The following SCAPER variants were observed in gnomAD, a reference collection of about 807,000 sequenced individuals.
SCAPER encodes the protein S-phase cyclin A associated protein in the ER.
In SCAPER, 98 loss-of-function variants were observed where a neutral mutation model predicts 182.2. That is an observed-to-expected ratio of 0.54 (90% CI 0.46 to 0.64). SCAPER has a LOEUF of 0.64. Ranked by LOEUF, SCAPER falls within the 30% of genes least tolerant of loss-of-function variation. The probability of loss-of-function intolerance (pLI) is 0.00; values close to 1 mark genes in which losing one functional copy is unlikely to be tolerated. For synonymous variants in SCAPER, 605 were observed against 564.6 expected, an observed-to-expected ratio of 1.07 and a Z score of -1.01; for missense variants, 1,432 against 1,690.0, an observed-to-expected ratio of 0.85 and a Z score of 2.68.
intron 17 of SCAPER, among the ~76,000 whole-genome samples, chr15:76,713,342 C>T (rs531037301): frequency 2.9e-4 from 44 of 151,894 alleles, no homozygotes; most frequent in African/African-American, 9.7e-4. Flanking sequence ...ATGTTTATTG[C>T]GGCACTATTC....
chr15:76,723,747 CCCTG>C (rs1270861091), intron 17 of SCAPER, among the ~76,000 whole-genome samples: 2 of 152,038 alleles, frequency 1.3e-5, no homozygotes, highest in Admixed American at 6.6e-5. Flanking sequence ...GGATTGCAAC[CCCTG>C]CCTTTTATTG....
chr15:76,862,634 T>C (rs2071969265), intron 2 of SCAPER, 101 bp from the exon 3 acceptor site: 1 of 723,506 alleles, frequency 1.4e-6, no homozygotes, highest in Non-Finnish European at 2.1e-6. Flanking sequence ...AAGAAAACAC[T>C]TAAAACTAAT....
intron 20 of SCAPER, among the ~76,000 whole-genome samples, chr15:76,689,381 T>C (rs2058220468): frequency 6.6e-6 from 1 of 151,956 alleles, no homozygotes; most frequent in Non-Finnish European, 1.5e-5. Flanking sequence ...AAGTGTAAAA[T>C]ACTGAAATCA....
chr15:76,747,747 A>T (rs924468751), intron 15 of SCAPER, among the ~76,000 whole-genome samples: 1 of 152,072 alleles, frequency 6.6e-6, no homozygotes, highest in Non-Finnish European at 1.5e-5. Context: ...TGATCTGCAC[A>T]TGCTGGCTCT....
chr15:76,521,873 C>T (rs1015086768), intron 23 of SCAPER, among the ~76,000 whole-genome samples: 5 of 152,160 alleles, frequency 3.3e-5, no homozygotes, highest in African/African-American at 1.2e-4. Flanking sequence ...AGTCTTCTAT[C>T]AAATGAACTC....
At chr15:76,902,822 C>A (rs990825601) in intron 1 of SCAPER, among the ~76,000 whole-genome samples, 1 of 151,964 alleles carries the variant, frequency 6.6e-6, no homozygotes, top group Non-Finnish European at 1.5e-5. Context: ...TTTGGGAGGC[C>A]GAGGTGGGTG....
intron 24 of SCAPER, among the ~76,000 whole-genome samples, chr15:76,488,313 C>G (rs1001984888): frequency 6.6e-6 from 1 of 152,052 alleles, no homozygotes; most frequent in African/African-American, 2.4e-5. Context: ...ATTTGAATAC[C>G]TACAATTATA....
intron 17 of SCAPER, among the ~76,000 whole-genome samples, chr15:76,709,662 G>C (rs914672219): frequency 1.3e-5 from 2 of 152,170 alleles, no homozygotes; most frequent in African/African-American, 2.4e-5. Flanking sequence ...CCTATCTTAT[G>C]CAAATGATTT....
intron 9 of SCAPER, chr15:76,774,426 T>C (rs2151333027): frequency 2.6e-6 from 1 of 388,044 alleles, no homozygotes; most frequent in South Asian, 1.9e-5. Flanking sequence ...AAAAAAATTA[T>C]TGGGAAAACT....
chr15:76,555,263 C>G (rs2046107905), intron 23 of SCAPER, among the ~76,000 whole-genome samples: 1 of 152,164 alleles, frequency 6.6e-6, no homozygotes, highest in Non-Finnish European at 1.5e-5. Context: ...AGGCCATTAC[C>G]AGCCACCATA....
At chr15:76,388,632 G>A (rs2043445266) in intron 27 of SCAPER, among the ~76,000 whole-genome samples, 1 of 152,106 alleles carries the variant, frequency 6.6e-6, no homozygotes, top group African/African-American at 2.4e-5. Flanking sequence ...GTTCAATTCT[G>A]GGATGTTACA....
chr15:76,652,273 A>AATATATATATAT (rs1172636102), intron 21 of SCAPER, among the ~76,000 whole-genome samples: 6 of 12,858 alleles, frequency 4.7e-4, no homozygotes, highest in Non-Finnish European at 7.9e-4. Context: ...AAAAAAAAAA[A>AATATATATATAT]ATATATATAT....
At chr15:76,850,859 CA>C (rs59202490) in intron 4 of SCAPER, among the ~76,000 whole-genome samples, 36,020 of 89,290 alleles carry the variant, frequency 0.4, 3,211 homozygotes, top group East Asian at 0.52. Flanking sequence ...GACTCTGTCT[CA>C]AAAAAAAAAA....
At chr15:76,850,221 G>T (rs1031444135) in intron 4 of SCAPER, among the ~76,000 whole-genome samples, 24 of 152,194 alleles carry the variant, frequency 1.6e-4, no homozygotes. Flanking sequence ...CAGAATGGAA[G>T]TCTATTAATT....
chr15:76,848,893 G>T (rs2070423423), intron 4 of SCAPER, among the ~76,000 whole-genome samples: 1 of 151,932 alleles, frequency 6.6e-6, no homozygotes, highest in South Asian at 2.1e-4. Context: ...GCTCATGAAT[G>T]CAGAACAGTC....
At position 76,885,140 on chromosome 15, in the gene SCAPER, A is replaced by G. The variant is rs529970605; in HGVS notation, c.-59-1264T>C. ...GTGAATATACTAAAAACCATTTTTA[A>G]ATGGGGAAATTATATTGTAAATGAA... On this transcript the variant is annotated intron_variant, in intron 1 of 31. Transcript: ENST00000563290. Among the ~76,000 whole-genome samples the G allele has an allele frequency of 7.5e-4, 115 of 152,330 alleles. 1 individual carries two copies. The highest frequency in any genetic ancestry group is 2.7e-3 in the African/African-American group (111 of 41,572).
intron 21 of SCAPER, among the ~76,000 whole-genome samples, chr15:76,664,791 C>A (rs1332331036): frequency 2.0e-5 from 3 of 152,064 alleles, no homozygotes; most frequent in South Asian, 4.1e-4. Flanking sequence ...ATCAAAAAAG[C>A]CTTTTCTATT....
At chr15:76,370,834 T>C (rs2042116461) in intron 29 of SCAPER, among the ~76,000 whole-genome samples, 3 of 152,164 alleles carry the variant, frequency 2.0e-5, no homozygotes, top group Admixed American at 6.5e-5. Flanking sequence ...ATTTACACTT[T>C]CCAAGATCTT....
At chr15:76,901,187 A>G (rs1431022263) in intron 1 of SCAPER, among the ~76,000 whole-genome samples, 2 of 152,184 alleles carry the variant, frequency 1.3e-5, no homozygotes, top group African/African-American at 4.8e-5. Context: ...CTGAGATCGC[A>G]CCACTGCACT....
Sources: gnomAD v4.1 joint callset for allele counts (sites outside exome capture counted in the v4.1 genomes callset) on GRCh38, gnomAD v4.1.1 for gene constraint, MANE v1.5 for transcripts, NCBI Gene and HGNC (gene_info 2026-07-23, HGNC 2026-07-21) for gene names.